Variants in ANKS1B observed in about 807,000 individuals in gnomAD.
The protein encoded by ANKS1B is ankyrin repeat and sterile alpha motif domain containing 1B.
A neutral mutation model predicts 148.3 loss-of-function variants in ANKS1B; 36 were observed. The observed-to-expected ratio is 0.24, with a 90% CI of 0.19 to 0.32. ANKS1B has a LOEUF of 0.32. ANKS1B is among the 10% of genes least tolerant of loss of function. The probability of loss-of-function intolerance (pLI) is 1.00; values close to 1 mark genes in which losing one functional copy is unlikely to be tolerated. For missense variants in ANKS1B, 1,157 were observed against 1,542.6 expected, an observed-to-expected ratio of 0.75 and a Z score of 4.19; for synonymous variants, 542 against 560.8, an observed-to-expected ratio of 0.97 and a Z score of 0.47.
intron 12 of ANKS1B, among the ~76,000 whole-genome samples, chr12:99,368,244 G>C (rs2092893019): frequency 6.6e-6 from 1 of 152,022 alleles, no homozygotes; most frequent in Non-Finnish European, 1.5e-5. Flanking sequence ...GGGTGGAAGG[G>C]GGCAAAGGTT....
chr12:98,973,671 C>T (rs1467054856), intron 17 of ANKS1B, among the ~76,000 whole-genome samples: 1 of 152,048 alleles, frequency 6.6e-6, no homozygotes, highest in African/African-American at 2.4e-5. Context: ...TTGATTGGTA[C>T]AATGGACACA....
Position 98,967,123 on chromosome 12 carries a change from C to T in ANKS1B, c.2778+86034G>A, listed in dbSNP as rs903735377. The stretch of plus-strand genomic sequence containing the variant: ...ACCACAGATGCCAGTCAAGGCTCAA[C>T]GTGACCAGCTGTTCAGGGTGCTTTG... On this transcript the variant is annotated intron_variant, in intron 17 of 26. Transcript: ENST00000683438. Among the ~76,000 whole-genome samples, 21 of 152,152 alleles carry T rather than the reference C, an allele frequency of 1.4e-4. No homozygotes were observed. The East Asian group carries it at 3.3e-3, about 24-fold the overall frequency.
At chr12:99,907,812 T>TA (rs751468199) in intron 1 of ANKS1B, among the ~76,000 whole-genome samples, 4,992 of 100,086 alleles carry the variant, frequency 0.05, 170 homozygotes, top group South Asian at 0.1. Flanking sequence ...GAGAAATTCT[T>TA]AAAAAAAAAA....
intron 10 of ANKS1B, among the ~76,000 whole-genome samples, chr12:99,464,506 G>A (rs556639917): frequency 6.6e-6 from 1 of 152,146 alleles, no homozygotes; most frequent in African/African-American, 2.4e-5. Flanking sequence ...GCTACAGGAG[G>A]AAATTCAAAG....
At chr12:99,319,237 T>C (rs1386907814) in intron 12 of ANKS1B, among the ~76,000 whole-genome samples, 2 of 152,180 alleles carry the variant, frequency 1.3e-5, no homozygotes, top group African/African-American at 4.8e-5. Flanking sequence ...TTGTTAACTT[T>C]CTGTCTTGTT....
intron 1 of ANKS1B, among the ~76,000 whole-genome samples, chr12:99,856,176 T>C (rs574871026): frequency 2.6e-5 from 4 of 152,176 alleles, no homozygotes; most frequent in African/African-American, 4.8e-5. Flanking sequence ...ATTAGCAAGA[T>C]TAATCAAGAA....
At chr12:99,440,840 G>A (rs921235535) in intron 11 of ANKS1B, among the ~76,000 whole-genome samples, 12 of 151,730 alleles carry the variant, frequency 7.9e-5, no homozygotes, top group African/African-American at 2.9e-4. Flanking sequence ...GTATACAAGA[G>A]GCAAAGGAAA....
intron 12 of ANKS1B, among the ~76,000 whole-genome samples, chr12:99,289,049 G>A (rs1348023835): frequency 6.6e-6 from 1 of 151,830 alleles, no homozygotes; most frequent in Non-Finnish European, 1.5e-5. Flanking sequence ...AAAACTCATC[G>A]AGACTGAAAA....
intron 9 of ANKS1B, among the ~76,000 whole-genome samples, chr12:99,560,595 A>G (rs1397197457): frequency 6.6e-6 from 1 of 152,218 alleles, no homozygotes; most frequent in East Asian, 1.9e-4. Context: ...ACCCGGGCAT[A>G]TAAACATTAT....
At chr12:99,775,368 G>A (rs916871115) in intron 7 of ANKS1B, among the ~76,000 whole-genome samples, 180 bp downstream of exon 7, 1 of 152,086 alleles carries the variant, frequency 6.6e-6, no homozygotes, top group Non-Finnish European at 1.5e-5. Context: ...ATTACAGCAG[G>A]GATAGTTTTC....
chr12:99,978,365 C>T (rs1603585786), intron 1 of ANKS1B, among the ~76,000 whole-genome samples: 2 of 152,190 alleles, frequency 1.3e-5, no homozygotes, highest in South Asian at 4.1e-4. Context: ...AAACCCTGCT[C>T]AGTGGAGAAA....
At chr12:99,399,846 G>C (rs2152574656) in intron 11 of ANKS1B, 35 bp from the exon 12 acceptor site, 1 of 1,602,360 alleles carries the variant, frequency 6.2e-7, no homozygotes, top group East Asian at 2.2e-5. Flanking sequence ...GTATTAATAT[G>C]ATCATGTTCA....
chr12:98,966,552 T>C (rs1357485198), intron 17 of ANKS1B, among the ~76,000 whole-genome samples: 1 of 152,184 alleles, frequency 6.6e-6, no homozygotes, highest in African/African-American at 2.4e-5. Flanking sequence ...TTACTGGGTA[T>C]ATACCCAAAG....
intron 15 of ANKS1B, among the ~76,000 whole-genome samples, chr12:99,107,746 A>G (rs560929851): frequency 6.6e-6 from 1 of 152,180 alleles, no homozygotes; most frequent in Non-Finnish European, 1.5e-5. Flanking sequence ...TTTTCTTGCA[A>G]TTCAGTTCCT....
rs1416192590 is a variant in ANKS1B, at chr12:98,745,022, A to C, written c.*717T>G. 30 of 985,384 alleles carry C rather than the reference A, an allele frequency of 3.0e-5. No homozygotes were observed. The highest frequency in any genetic ancestry group is 3.4e-5 in the Non-Finnish European group (28 of 829,602). The allele number at this position is 985,384 out of a possible 1,614,324, so 61.0% of individuals were successfully genotyped here. A position where few individuals can be genotyped will look rare whatever the true frequency, so the allele number is the denominator to read the frequency against. On this transcript the variant is annotated 3_prime_UTR_variant, in exon 27 of 27. Coordinates refer to ENST00000683438, the MANE Select transcript of ANKS1B (RefSeq NM_001352186.2). ...ACCTAGTTTTCTTATCAATGCATTAATGAAACATTCTTTTAATAAAAATAT... is the reference window on the plus strand; with the variant it reads ...ACCTAGTTTTCTTATCAATGCATTACTGAAACATTCTTTTAATAAAAATAT...
chr12:99,791,696 C>G lies in ANKS1B; in HGVS notation c.670-9599G>C, dbSNP rs771576238. ...AAATCAGAAAGAAAATTTAAAAATT[C>G]CTTGAAATAAGTTCATGGAAACACA... On this transcript the variant is annotated intron_variant, in intron 4 of 26. Coordinates refer to ENST00000683438, the MANE Select transcript of ANKS1B (RefSeq NM_001352186.2). Among the ~76,000 whole-genome samples the G allele has an allele frequency of 2.4e-4, 37 of 151,728 alleles. 1 individual carries two copies. Among genetic ancestry groups the G allele is most frequent in the South Asian group, 8.3e-4 (4 of 4,816 alleles).
At chr12:98,753,468 C>A (rs1192064331) in intron 25 of ANKS1B, among the ~76,000 whole-genome samples, 2 of 152,050 alleles carry the variant, frequency 1.3e-5, no homozygotes, top group Non-Finnish European at 2.9e-5. Flanking sequence ...GCTCTTTTTG[C>A]CCAGGCTGGA....
intron 17 of ANKS1B, among the ~76,000 whole-genome samples, chr12:98,948,295 C>G (rs186309638): frequency 2.0e-5 from 3 of 152,092 alleles, no homozygotes; most frequent in Admixed American, 1.3e-4. Flanking sequence ...ATGATTATAA[C>G]CTAAGAAACA....
At chr12:99,703,522 G>A (rs4986685) in intron 8 of ANKS1B, among the ~76,000 whole-genome samples, 25,419 of 151,744 alleles carry the variant, frequency 0.17, 2,662 homozygotes, top group East Asian at 0.47. Context: ...CCTGTTTCAC[G>A]CCTCGTATCT....
Sources: allele counts gnomAD v4.1 joint callset (sites outside exome capture counted in the v4.1 genomes callset), GRCh38; gene constraint gnomAD v4.1.1; transcripts MANE v1.5; gene names NCBI Gene and HGNC (gene_info 2026-07-23, HGNC 2026-07-21).